The following NEB variants were observed in gnomAD, a reference collection of about 807,000 sequenced individuals.
NEB encodes the protein nemaline myopathy type 2.
Under a neutral mutation model 952.2 loss-of-function variants are expected in NEB, and 512 were observed. That is an observed-to-expected ratio of 0.54 (90% CI 0.50 to 0.58). NEB has a LOEUF of 0.58. Ranked by LOEUF, NEB falls within the 20% of genes least tolerant of loss-of-function variation. The pLI is 0.00. For missense variants in NEB, 8,428 were observed against 9,231.1 expected (o/e 0.91, Z 3.56); for synonymous variants, 2,900 against 3,149.8 (o/e 0.92, Z 2.66).
intron 129 of NEB, among the ~76,000 whole-genome samples, chr2:151,550,220 T>C (rs931994884): frequency 7.2e-6 from 1 of 139,556 alleles, no homozygotes; most frequent in Non-Finnish European, 1.5e-5. Flanking sequence ...TGAGCTGTGA[T>C]TGCACCGTTG....
At chr2:151,572,576 C>T (rs1433776933) in intron 107 of NEB, among the ~76,000 whole-genome samples, 2 of 142,856 alleles carry the variant, frequency 1.4e-5, no homozygotes, top group Non-Finnish European at 3.0e-5. Context: ...GACAGAGTCT[C>T]GCTCTGTCAC....
chr2:151,501,336 T>C, intron 168 of NEB, 55 bp downstream of exon 168: 1 of 1,218,978 alleles, frequency 8.2e-7, no homozygotes, highest in Non-Finnish European at 1.2e-6. Flanking sequence ...AGATGTTCTG[T>C]TTTGTAGAAA....
rs534531948 is a variant in NEB at position 151,666,286 on chromosome 2, C to T, written c.4835G>A (p.Arg1612His). ...GGCTTCATAGCCCTTTTTGTACTCA[C>T]GATCAGACTGGATTTTGGCCACATT... is the stretch of plus-strand genomic sequence containing the variant. ...YMNVAKIQSD[R>H]EYKKGYEASK... Residue 1612 changes from arginine (R) to histidine (H), a missense_variant, in exon 41 of 182, where the codon CGT becomes CAT. By Grantham distance (29) the Arg-to-His change is conservative. This residue lies in a region of NEB where 2,851 missense variants were observed against 2,791.5 expected (regional missense o/e 1.02). Coordinates refer to ENST00000397345, the MANE Select transcript of NEB (RefSeq NM_001164508.2). 1.3e-5 allele frequency: 21 copies of T among 1,613,902 alleles called. No individual in the cohort carries two copies. The highest frequency in any genetic ancestry group is 8.0e-5 in the African/African-American group (6 of 75,024).
At chr2:151,492,983 CCCATGTCATA>C in intron 176 of NEB, 1 of 220,096 alleles carries the variant, frequency 4.5e-6, no homozygotes, top group Non-Finnish European at 9.1e-6. Flanking sequence ...CAGAGTATTA[CCCATGTCATA>C]AAGTATCTTA....
chr2:151,629,939 T>C (rs923315940), intron 67 of NEB, among the ~76,000 whole-genome samples: 15 of 152,176 alleles, frequency 9.9e-5, no homozygotes, highest in African/African-American at 3.6e-4. Flanking sequence ...TCAGCATAGA[T>C]CAATACAATC....
chr2:151,508,153 G>C (rs2070830131), intron 161 of NEB, 44 bp from the exon 162 acceptor site: 1 of 1,368,626 alleles, frequency 7.3e-7, no homozygotes, highest in Non-Finnish European at 1.0e-6. Flanking sequence ...ACACCACAGG[G>C]ATATAGGCCA....
Position 151,644,534 on chromosome 2 carries a change from A to T in NEB, c.7578T>A (p.Gly2526=). 6.2e-7 allele frequency: 1 copy of T among 1,613,926 alleles called. No individual in the cohort carries two copies. Among genetic ancestry groups the T allele is most frequent in the Non-Finnish European group, 8.5e-7 (1 of 1,179,848 alleles). Residue 2526 remains glycine, a synonymous_variant, in exon 56 of 182, where the codon GGT becomes GGA. Coordinates refer to ENST00000397345, the MANE Select transcript of NEB (RefSeq NM_001164508.2). ...RMGYEELKRK[G]YDLPVDAIPI... ...GTATGGCATCAACAGGAAGATCGTA[A>T]CCTTTTCTCTTCAGCTCCTCATAAC...
chr2:151,672,409 C>T lies in NEB; in HGVS notation c.4259G>A (p.Ser1420Asn). Residue 1420 changes from serine (S) to asparagine (N), a missense_variant, in exon 37 of 182, where the codon AGT becomes AAT. By Grantham distance (46) the Ser-to-Asn change is conservative. This residue lies in a region of NEB where 2,851 missense variants were observed against 2,791.5 expected (regional missense o/e 1.02). Coordinates refer to ENST00000397345, the MANE Select transcript of NEB (RefSeq NM_001164508.2). ...HHYTYLPDAM[S>N]LEHTRNVNQI... is the part of the protein sequence containing the mutation. ...ATTGACATTCCTCGTATGCTCAAGACTCATGGCGTCAGGTAGGTATGTGTA... is the reference window on the plus strand; with the variant it reads ...ATTGACATTCCTCGTATGCTCAAGATTCATGGCGTCAGGTAGGTATGTGTA... The T allele has an allele frequency of 6.2e-7, 1 of 1,611,510 alleles. No homozygotes were observed.
chr2:151,669,895 G>A (rs1318263127), intron 38 of NEB, among the ~76,000 whole-genome samples: 2 of 152,168 alleles, frequency 1.3e-5, no homozygotes, highest in African/African-American at 4.8e-5. Flanking sequence ...TACAGAAGCT[G>A]GAAGTAGGGT....
intron 66 of NEB, 104 bp downstream of exon 66, chr2:151,631,039 A>C: frequency 1.4e-6 from 2 of 1,454,920 alleles, no homozygotes; most frequent in South Asian, 2.7e-5. Context: ...TAAAAGGTAA[A>C]AATGCGACCC....
chr2:151,513,843 G>A (rs1271492458), intron 159 of NEB, 150 bp from the exon 160 acceptor site: 4 of 645,060 alleles, frequency 6.2e-6, no homozygotes, highest in Non-Finnish European at 1.1e-5. Context: ...CTTCCGTGTG[G>A]TAGGATGAAG....
intron 44 of NEB, among the ~76,000 whole-genome samples, chr2:151,664,061 T>C (rs2154173582): frequency 6.6e-6 from 1 of 151,756 alleles, no homozygotes; most frequent in Non-Finnish European, 1.5e-5. Context: ...GGAAAGAAAA[T>C]AATCTCAGAG....
At chr2:151,523,455 A>G (rs2083340350) in intron 153 of NEB, among the ~76,000 whole-genome samples, 1 of 152,184 alleles carries the variant, frequency 6.6e-6, no homozygotes, top group Non-Finnish European at 1.5e-5. Flanking sequence ...TCCCAAACCT[A>G]TTTCTTCAAA....
intron 160 of NEB, 27 bp downstream of exon 160, chr2:151,513,553 A>C: frequency 6.6e-7 from 1 of 1,512,362 alleles, no homozygotes; most frequent in Non-Finnish European, 9.1e-7. Flanking sequence ...CTTTCCTGAA[A>C]GATTGACATC....
At chr2:151,504,907 G>C (rs1365266791) in intron 165 of NEB, among the ~76,000 whole-genome samples, 1 of 151,992 alleles carries the variant, frequency 6.6e-6, no homozygotes, top group South Asian at 2.1e-4. Context: ...TAGGTAGATC[G>C]CAGCCTGTAC....
intron 143 of NEB, 151 bp from the exon 144 acceptor site, chr2:151,532,047 A>C: frequency 1.7e-6 from 1 of 595,376 alleles, no homozygotes; most frequent in Non-Finnish European, 3.0e-6. Flanking sequence ...TTTGTGTCTG[A>C]TAGCAAAAGT....
At chr2:151,720,445 G>T (rs1368447616) in intron 9 of NEB, among the ~76,000 whole-genome samples, 1 of 152,168 alleles carries the variant, frequency 6.6e-6, no homozygotes, top group Non-Finnish European at 1.5e-5. Flanking sequence ...TGCACACTTG[G>T]TCTGCAATTA....
At chr2:151,653,645 C>A (rs1238601691) in intron 52 of NEB, among the ~76,000 whole-genome samples, 2 of 152,152 alleles carry the variant, frequency 1.3e-5, no homozygotes, top group Non-Finnish European at 2.9e-5. Context: ...TATCATCTGG[C>A]ACTTTGAATT....
chr2:151,576,516 ATTTTTTTT>A (rs869125440), intron 105 of NEB, among the ~76,000 whole-genome samples, 162 bp from the exon 106 acceptor site: 1 of 18,872 alleles, frequency 5.3e-5, no homozygotes, highest in East Asian at 3.1e-3. Flanking sequence ...ATATATATAT[ATTTTTTTT>A]TTTTTTTTTT....
Sources: gnomAD v4.1 joint callset for allele counts (sites outside exome capture counted in the v4.1 genomes callset) on GRCh38, gnomAD v4.1.1 for gene constraint, gnomAD v4.1.1 regional missense constraint, MANE v1.5 for transcripts, NCBI Gene and HGNC (gene_info 2026-07-23, HGNC 2026-07-21) for gene names.